Variants in CDKAL1 observed in about 807,000 individuals in gnomAD.
CDKAL1 encodes threonylcarbamoyladenosine tRNA methylthiotransferase.
Under a neutral mutation model 68.2 loss-of-function variants are expected in CDKAL1, and 32 were observed. The observed-to-expected ratio is 0.47, with a 90% CI of 0.35 to 0.63. CDKAL1 has a LOEUF of 0.63. CDKAL1 is among the 30% of genes least tolerant of loss of function. The pLI is 0.00. For synonymous variants in CDKAL1, 234 were observed against 244.3 expected, an observed-to-expected ratio of 0.96 and a Z score of 0.39; for missense variants, 606 against 696.7, an observed-to-expected ratio of 0.87 and a Z score of 1.47.
chr6:20,752,878 G>C (rs900934268), intron 6 of CDKAL1, among the ~76,000 whole-genome samples: 1 of 152,014 alleles, frequency 6.6e-6, no homozygotes, highest in Non-Finnish European at 1.5e-5. Flanking sequence ...ATTCATAGTA[G>C]CATTCAGGTC....
At chr6:20,540,439 A>T (rs1009366059) in intron 2 of CDKAL1, among the ~76,000 whole-genome samples, 6 of 150,734 alleles carry the variant, frequency 4.0e-5, no homozygotes, top group Non-Finnish European at 7.4e-5. Flanking sequence ...GAAGATCAGG[A>T]ATTCTGTTTC....
At chr6:21,149,756 A>G (rs1292484992) in intron 13 of CDKAL1, among the ~76,000 whole-genome samples, 1 of 152,230 alleles carries the variant, frequency 6.6e-6, no homozygotes, top group Non-Finnish European at 1.5e-5. Flanking sequence ...GAAGTTGGCT[A>G]AGGTGACTCA....
intron 15 of CDKAL1, among the ~76,000 whole-genome samples, chr6:21,205,709 T>A (rs544001151): frequency 4.0e-5 from 6 of 150,634 alleles, no homozygotes; most frequent in African/African-American, 1.2e-4. Context: ...TGTTTTGTAT[T>A]TTTAGTAGAG....
intron 9 of CDKAL1, among the ~76,000 whole-genome samples, chr6:20,924,060 G>A (rs1581839535): frequency 6.6e-6 from 1 of 151,276 alleles, no homozygotes; most frequent in African/African-American, 2.4e-5. Flanking sequence ...GCCAAGGCAG[G>A]CTGAAAGCTG....
chr6:20,949,109 G>A (rs1764401400), intron 9 of CDKAL1, among the ~76,000 whole-genome samples: 1 of 152,104 alleles, frequency 6.6e-6, no homozygotes, highest in Admixed American at 6.5e-5. Flanking sequence ...CATTATTAAG[G>A]CAATAAAAAA....
At chr6:21,107,024 T>G (rs1320635737) in intron 12 of CDKAL1, among the ~76,000 whole-genome samples, 2 of 147,830 alleles carry the variant, frequency 1.4e-5, no homozygotes, top group Non-Finnish European at 3.0e-5. Context: ...CTCGGCTCAC[T>G]GCAAGCTCCG....
intron 4 of CDKAL1, among the ~76,000 whole-genome samples, chr6:20,639,103 T>A (rs1768043554): frequency 1.3e-5 from 2 of 152,150 alleles, no homozygotes; most frequent in African/African-American, 2.4e-5. Context: ...AGCTATGGGG[T>A]AATAGCCATA....
chr6:20,886,129 T>A (rs1234432621), intron 9 of CDKAL1, among the ~76,000 whole-genome samples: 1 of 152,148 alleles, frequency 6.6e-6, no homozygotes, highest in Non-Finnish European at 1.5e-5. Context: ...CAAAAGAAGA[T>A]AAGCACATGA....
chr6:20,872,882 G>T (rs550563182), intron 9 of CDKAL1, among the ~76,000 whole-genome samples: 1 of 152,132 alleles, frequency 6.6e-6, no homozygotes, highest in South Asian at 2.1e-4. Flanking sequence ...TGAAAAACTC[G>T]AGAATTTGGA....
chr6:20,952,475 C>A (rs1764582009), intron 9 of CDKAL1, among the ~76,000 whole-genome samples: 1 of 152,186 alleles, frequency 6.6e-6, no homozygotes, highest in Non-Finnish European at 1.5e-5. Flanking sequence ...GGACGTTAGT[C>A]AGTGTCCCCT....
At position 21,232,003 on chromosome 6, in the gene CDKAL1, G is replaced by GTTTTTTTT. The variant is rs71530402; in HGVS notation, c.*969_*970insTTTTTTTT. On this transcript the variant is annotated 3_prime_UTR_variant, in exon 16 of 16. Coordinates refer to ENST00000274695, the MANE Select transcript of CDKAL1 (RefSeq NM_017774.3). ...TTTGATCCATTGGGGTTTTTTTTTT[G>GTTTTTTTT]TTTTTGTTTTTTTTTTTTTTTGAGT... 27 of 76,094 alleles carry GTTTTTTTT rather than the reference G, an allele frequency of 3.5e-4. 1 individual carries two copies. Among genetic ancestry groups the GTTTTTTTT allele is most frequent in the South Asian group, 8.9e-4 (2 of 2,252 alleles). The allele number at this position is 76,094 out of a possible 1,614,324, so 4.7% of individuals were successfully genotyped here.
intron 12 of CDKAL1, among the ~76,000 whole-genome samples, chr6:21,075,282 C>T (rs553400050): frequency 3.9e-5 from 6 of 152,088 alleles, no homozygotes; most frequent in African/African-American, 1.4e-4. Flanking sequence ...ATACTCTCCC[C>T]GTCATATTTA....
intron 6 of CDKAL1, among the ~76,000 whole-genome samples, chr6:20,744,033 A>G (rs188074848): frequency 2.3e-4 from 35 of 152,318 alleles, no homozygotes; most frequent in Non-Finnish European, 3.4e-4. Flanking sequence ...TAGGATCTTG[A>G]AACATTTTAC....
intron 9 of CDKAL1, among the ~76,000 whole-genome samples, chr6:20,940,563 C>T (rs1375694097): frequency 1.3e-5 from 2 of 152,002 alleles, no homozygotes; most frequent in Non-Finnish European, 2.9e-5. Context: ...TTTCTTTTGG[C>T]GGGGAGCGGG....
intron 4 of CDKAL1, among the ~76,000 whole-genome samples, chr6:20,628,631 C>T (rs575194096): frequency 6.8e-6 from 1 of 147,376 alleles, no homozygotes; most frequent in Non-Finnish European, 1.5e-5. Flanking sequence ...TGATATTGTT[C>T]CCATAAAACC....
chr6:20,848,678 C>T (rs1758832508), intron 9 of CDKAL1, among the ~76,000 whole-genome samples: 1 of 152,018 alleles, frequency 6.6e-6, no homozygotes. Flanking sequence ...TTTCTGTTGC[C>T]TTATTATCTG....
chr6:21,212,823 C>T (rs1470374016), intron 15 of CDKAL1, among the ~76,000 whole-genome samples: 1 of 152,088 alleles, frequency 6.6e-6, no homozygotes, highest in Non-Finnish European at 1.5e-5. Flanking sequence ...CCCTCTCTCT[C>T]CTGAATGCAA....
At chr6:20,970,738 A>G (rs528650231) in intron 10 of CDKAL1, among the ~76,000 whole-genome samples, 1 of 152,328 alleles carries the variant, frequency 6.6e-6, no homozygotes, top group Admixed American at 6.5e-5. Flanking sequence ...ACAGACTAAA[A>G]TGTATACTTC....
chr6:20,753,145 G>A (rs376806088), intron 6 of CDKAL1, among the ~76,000 whole-genome samples: 121 of 149,040 alleles, frequency 8.1e-4, no homozygotes, highest in African/African-American at 2.8e-3. Context: ...CAAAAAAAAC[G>A]CAGGTACTTC....
Sources: allele counts gnomAD v4.1 joint callset (sites outside exome capture counted in the v4.1 genomes callset), GRCh38; gene constraint gnomAD v4.1.1; transcripts MANE v1.5; gene names NCBI Gene and HGNC (gene_info 2026-07-23, HGNC 2026-07-21).